The following GAS6 variants were observed in gnomAD, a reference collection of about 807,000 sequenced individuals.
GAS6 encodes the protein growth arrest specific 6.
In GAS6, 41 loss-of-function variants were observed where a neutral mutation model predicts 75.8. The ratio of observed to expected loss-of-function variants is 0.54; its 90% CI spans 0.42 to 0.70. The LOEUF is 0.70. Ranked by LOEUF, GAS6 falls within the 30% of genes least tolerant of loss-of-function variation. The probability of loss-of-function intolerance (pLI) is 0.00; values close to 1 mark genes in which losing one functional copy is unlikely to be tolerated. For synonymous variants in GAS6, 432 were observed against 412.6 expected (o/e 1.05, Z -0.57); for missense variants, 854 against 940.2 (o/e 0.91, Z 1.20).
At chr13:113,824,383 C>T (rs77550990) in intron 12 of GAS6, among the ~76,000 whole-genome samples, 11 of 77,320 alleles carry the variant, frequency 1.4e-4, no homozygotes, top group African/African-American at 6.5e-4. Flanking sequence ...GTCAGGAGCA[C>T]GCGCGGTCTG....
Position 113,842,520 on chromosome 13 carries a change from G to A in GAS6, c.344-2670C>T, listed in dbSNP as rs776273182. 4.5e-4 allele frequency: 178 copies of A among 396,576 alleles called. 5 individuals carry two copies. The Middle Eastern group carries it at 8.2e-3, about 18-fold the overall frequency. 24.6% of individuals were successfully genotyped at this position (396,576 alleles called of 1,614,324 possible). A position where few individuals can be genotyped will look rare whatever the true frequency, so the allele number is the denominator to read the frequency against. On this transcript the variant is annotated intron_variant, in intron 4 of 14. Coordinates refer to ENST00000327773, the MANE Select transcript of GAS6 (RefSeq NM_000820.4). ...TACCTGGGTGCTGTGTCCGCGGGGC[G>A]TCTGGAGACGTCGATGTGGTCATAG...
At chr13:113,851,199 GTAGA>G (rs1192199460) in intron 2 of GAS6, among the ~76,000 whole-genome samples, 7 of 151,480 alleles carry the variant, frequency 4.6e-5, no homozygotes, top group Admixed American at 1.3e-4. Context: ...GAATAAATGC[GTAGA>G]TAGATGGGTG....
In GAS6 at chr13:113,820,885, G is replaced by C. The variant is rs77167214; in HGVS notation, c.2016C>G (p.Pro672=). The stretch of plus-strand genomic sequence containing the variant: ...GGGCCTAGGCTGCGGCGGGCTCCAC[G>C]GGGGGGCAGGAGTGGGCCGTGATGT... ...HSDITAHSCP[P]VEPAAA Residue 672 remains proline, a synonymous_variant, in exon 15 of 15, where the codon CCC becomes CCG. Transcript: ENST00000327773. The C allele has an allele frequency of 4.7e-5, 76 of 1,610,650 alleles. No homozygotes were observed. The African/African-American group carries it at 8.0e-4, about 17-fold the overall frequency.
intron 6 of GAS6, among the ~76,000 whole-genome samples, chr13:113,836,267 AGGAGGAGGGGGAGAAGGG>A (rs1289189232): frequency 3.4e-3 from 3 of 880 alleles, no homozygotes; most frequent in Admixed American, 0.012. Context: ...GAAGAGGAGG[AGGAGGAGGGGGAGAAGGG>A]GGAGGGGGAG....
chr13:113,858,507 C>CTG (rs10625868), intron 2 of GAS6, among the ~76,000 whole-genome samples: 41,419 of 143,342 alleles, frequency 0.29, 7,039 homozygotes, highest in South Asian at 0.51. Context: ...CTGTGTGTGA[C>CTG]TATGTACATC....
chr13:113,846,258 C>T (rs550628631), intron 4 of GAS6, among the ~76,000 whole-genome samples: 150 of 152,356 alleles, frequency 9.8e-4, no homozygotes, highest in South Asian at 2.7e-3. Context: ...TGGTGTCTGA[C>T]TGGACGACTC....
intron 12 of GAS6, among the ~76,000 whole-genome samples, chr13:113,824,840 CAG>C (rs1488204572): frequency 6.6e-6 from 1 of 152,184 alleles, no homozygotes; most frequent in Non-Finnish European, 1.5e-5. Context: ...AATATTGCAA[CAG>C]AATCAAAAAG....
chr13:113,825,111 G>A (rs990133343), intron 12 of GAS6, among the ~76,000 whole-genome samples: 7 of 151,898 alleles, frequency 4.6e-5, no homozygotes, highest in African/African-American at 9.7e-5. Context: ...CCATCTACTC[G>A]GGAGGCTGAG....
intron 2 of GAS6, among the ~76,000 whole-genome samples, chr13:113,862,504 A>G (rs1423413100): frequency 6.6e-6 from 1 of 152,068 alleles, no homozygotes; most frequent in Non-Finnish European, 1.5e-5. Context: ...GGCCGGGGAG[A>G]GCGACCAAGC....
chr13:113,837,947 CCCCAT>C lies in GAS6; in HGVS notation c.589+117_589+121del. On this transcript the variant is annotated intron_variant, in intron 6 of 14. Coordinates refer to ENST00000327773, the MANE Select transcript of GAS6 (RefSeq NM_000820.4). The surrounding 1 kb of genome is among the most constrained non-coding windows in gnomAD (Gnocchi z 5.1). Reference sequence around the variant, plus strand: ...GGGCTTGTGTAGTCTCTGCAGGATGCCCCATCCCATCCAGAACCACAGGAACCCAG... The same window carrying C: ...GGGCTTGTGTAGTCTCTGCAGGATGCCCCATCCAGAACCACAGGAACCCAG... The C allele has an allele frequency of 4.2e-6, 5 of 1,187,314 alleles. No homozygotes were observed. In the South Asian group the frequency reaches 6.9e-5, roughly 16 times the overall value. The allele number at this position is 1,187,314 out of a possible 1,614,324, so 73.5% of individuals were successfully genotyped here.
chr13:113,863,616 G>A lies in GAS6; in HGVS notation c.214C>T (p.Arg72Cys), dbSNP rs1357886056. Residue 72 changes from arginine to cysteine, a missense_variant, in exon 2 of 15, where the codon CGC becomes TGC. Physicochemically the swap from Arg to Cys is radical, Grantham distance 180. Coordinates refer to ENST00000327773, the MANE Select transcript of GAS6 (RefSeq NM_000820.4). The surrounding 1 kb of genome is among the most constrained non-coding windows in gnomAD (Gnocchi z 9.4). ...ERECVEELCS[R>C]EEAREVFEND... is the part of the protein sequence containing the mutation. ...TCGAACACCTCCCGCGCCTCCTCGC[G>A]GCTGCACAGCTCCTCCACGCACTCC... 1.4e-5 allele frequency: 22 copies of A among 1,526,876 alleles called. No individual in the cohort carries two copies. Among genetic ancestry groups the A allele is most frequent in the Non-Finnish European group, 1.8e-5 (21 of 1,137,078 alleles). 94.6% of individuals were successfully genotyped at this position (1,526,876 alleles called of 1,614,324 possible).
intron 2 of GAS6, among the ~76,000 whole-genome samples, chr13:113,857,018 T>C (rs1053316760): frequency 1.3e-5 from 2 of 152,212 alleles, no homozygotes; most frequent in African/African-American, 4.8e-5. Context: ...CTCTGAGGGC[T>C]GGCTGGGTCA....
chr13:113,832,930 G>A (rs2051648692), intron 8 of GAS6, 178 bp from the exon 9 acceptor site: 1 of 1,490,438 alleles, frequency 6.7e-7, no homozygotes, highest in South Asian at 1.3e-5. Context: ...GGACTCCCAG[G>A]TGAAGGGCGG....
chr13:113,847,854 A>G, intron 3 of GAS6, 172 bp downstream of exon 3: 1 of 682,404 alleles, frequency 1.5e-6, no homozygotes, highest in Admixed American at 2.8e-5. Context: ...GTATAAAATA[A>G]AGAGAGAAAC....
chr13:113,844,990 A>T lies in GAS6; in HGVS notation c.343+1537T>A, dbSNP rs1385739546. ...AGAGTATAACAAGTGTGAATACAGA[A>T]TTTAAAAGAAGAGACTGGTTTAGCA... On this transcript the variant is annotated intron_variant, in intron 4 of 14. Transcript: ENST00000327773. This position sits in a 1 kb window ranked among gnomAD's most constrained non-coding sequence, Gnocchi z 5.7. The T allele has an allele frequency of 1.3e-5, 2 of 150,404 alleles. No individual in the cohort carries two copies. Among genetic ancestry groups the T allele is most frequent in the African/African-American group, 5.0e-5 (2 of 39,814 alleles). 9.3% of individuals were successfully genotyped at this position (150,404 alleles called of 1,614,324 possible).
chr13:113,838,234 A>G (rs767698321), intron 5 of GAS6, 43 bp from the exon 6 acceptor site: 1 of 1,608,652 alleles, frequency 6.2e-7, no homozygotes, highest in Non-Finnish European at 8.5e-7. Context: ...AAGGGTGCAC[A>G]GCCCCTGGCT....
At position 113,848,917 on chromosome 13, in the gene GAS6, A is replaced by C. The variant is rs1302113872; in HGVS notation, c.256-867T>G. Among the ~76,000 whole-genome samples, 1 of 152,236 alleles carries C rather than the reference A, an allele frequency of 6.6e-6. No individual in the cohort carries two copies. The highest frequency in any genetic ancestry group is 1.5e-5 in the Non-Finnish European group (1 of 68,036). On this transcript the variant is annotated intron_variant, in intron 2 of 14. Coordinates refer to ENST00000327773, the MANE Select transcript of GAS6 (RefSeq NM_000820.4). The surrounding 1 kb of genome is among the most constrained non-coding windows in gnomAD (Gnocchi z 4.8). The stretch of plus-strand genomic sequence containing the variant: ...GGATTCACCTGGGGGCATGAAGGTC[A>C]GGATTAGCAGGCGCTGGTAGCATTT...
rs200826379 is a variant in GAS6, at chr13:113,863,745, C to G, written c.89-4G>C. The G allele has an allele frequency of 1.3e-6, 2 of 1,488,860 alleles. No individual in the cohort carries two copies. The highest frequency in any genetic ancestry group is 2.3e-5 in the Admixed American group (1 of 44,394). The allele number at this position is 1,488,860 out of a possible 1,614,324, so 92.2% of individuals were successfully genotyped here. ...TCGCGCGCCGGCAACAGCGCGGCTG[C>G]CCGGAGGGAGAGAGGGGGACGCGTC... On this transcript the variant is annotated splice_polypyrimidine_tract_variant and splice_region_variant and intron_variant, in intron 1 of 14. Transcript: ENST00000327773. The surrounding 1 kb of genome is among the most constrained non-coding windows in gnomAD (Gnocchi z 9.4).
At chr13:113,849,575 T>C (rs1013713195) in intron 2 of GAS6, among the ~76,000 whole-genome samples, 1 of 152,204 alleles carries the variant, frequency 6.6e-6, no homozygotes, top group South Asian at 2.1e-4. Flanking sequence ...TAAGAACTAG[T>C]GAGCAAACGG....
Sources: gnomAD v4.1 joint callset for allele counts (sites outside exome capture counted in the v4.1 genomes callset) on GRCh38, gnomAD v4.1.1 for gene constraint, Gnocchi (gnomAD v3.1) non-coding constraint, MANE v1.5 for transcripts, NCBI Gene and HGNC (gene_info 2026-07-23, HGNC 2026-07-21) for gene names.